The following TECTA variants were observed in gnomAD, a reference collection of about 807,000 sequenced individuals.
The protein encoded by TECTA is tectorin alpha, also known as alpha-tectorin.
In TECTA, 128 loss-of-function variants were observed where a neutral mutation model predicts 216.8. The observed-to-expected ratio is 0.59, with a 90% CI of 0.51 to 0.68. TECTA has a LOEUF of 0.68. Ranked by LOEUF, TECTA falls within the 30% of genes least tolerant of loss-of-function variation. The pLI is 0.00. For synonymous variants in TECTA, 1,089 were observed against 1,117.1 expected, an observed-to-expected ratio of 0.97 and a Z score of 0.50; for missense variants, 2,551 against 2,786.2, an observed-to-expected ratio of 0.92 and a Z score of 1.90.
Position 121,137,417 on chromosome 11 carries a change from GCAGCA to G in TECTA, c.2942-2_2944del. On this transcript the variant is annotated splice_acceptor_variant and splice_polypyrimidine_tract_variant and coding_sequence_variant and intron_variant, in exon 11 of 24. Coordinates refer to ENST00000392793, the MANE Select transcript of TECTA (RefSeq NM_005422.4). LOFTEE classifies it high-confidence loss of function. ...AAACCCGTCTTCTCCTTGACCACCT[GCAGCA>G]CTGGAGTGCCCAGAGAACAGCCACT... 4.3e-6 allele frequency: 7 copies of G among 1,613,816 alleles called. No homozygotes were observed. Among genetic ancestry groups the G allele is most frequent in the Non-Finnish European group, 5.9e-6 (7 of 1,179,990 alleles).
rs757501006 is a variant in TECTA at position 121,105,781 on chromosome 11, C to G, written c.65-50C>G. The G allele has an allele frequency of 1.2e-6, 2 of 1,612,192 alleles. No individual in the cohort carries two copies. The highest frequency in any genetic ancestry group is 1.7e-6 in the Non-Finnish European group (2 of 1,179,350). ...AGTAGGTAGGAGAGATGTAGATTGC[C>G]AAACGGCAGAGGGAGCTGCCATCTA... On this transcript the variant is annotated intron_variant, in intron 2 of 23. Coordinates refer to ENST00000392793, the MANE Select transcript of TECTA (RefSeq NM_005422.4). This position sits in a 1 kb window ranked among gnomAD's most constrained non-coding sequence, Gnocchi z 5.3.
chr11:121,178,542 G>GTC (rs1947193609), intron 20 of TECTA, among the ~76,000 whole-genome samples: 1 of 151,288 alleles, frequency 6.6e-6, no homozygotes, highest in Admixed American at 6.6e-5. Context: ...GTGTGTGTGT[G>GTC]TGTGTGTGTG....
chr11:121,132,262 C>T (rs1254324044), intron 10 of TECTA, among the ~76,000 whole-genome samples: 2 of 152,092 alleles, frequency 1.3e-5, no homozygotes, highest in Non-Finnish European at 2.9e-5. Context: ...CCTACTTAAC[C>T]GATTGTATCT....
At chr11:121,104,504 A>G (rs1412923197) in intron 2 of TECTA, among the ~76,000 whole-genome samples, 1 of 152,184 alleles carries the variant, frequency 6.6e-6, no homozygotes, top group Non-Finnish European at 1.5e-5. Flanking sequence ...GCCCCTGGAA[A>G]GAAATTAGCC....
At chr11:121,137,068 G>A (rs4936580) in intron 10 of TECTA, among the ~76,000 whole-genome samples, 65,273 of 152,062 alleles carry the variant, frequency 0.43, 14,644 homozygotes, top group African/African-American at 0.55. Flanking sequence ...TCACTGTACT[G>A]TGCAAATAAG....
intron 20 of TECTA, among the ~76,000 whole-genome samples, chr11:121,187,126 T>C (rs145194061): frequency 1.1e-4 from 17 of 152,270 alleles, no homozygotes; most frequent in Admixed American, 1.1e-3. Context: ...GAGTGATGCA[T>C]TGGACAAAGA....
intron 4 of TECTA, chr11:121,110,818 C>T (rs1257129878): frequency 6.6e-6 from 1 of 152,170 alleles, no homozygotes; most frequent in Non-Finnish European, 1.5e-5. Flanking sequence ...TACTTTCTGG[C>T]TTATACTTTG....
intron 15 of TECTA, among the ~76,000 whole-genome samples, chr11:121,160,952 G>A (rs1300194464): frequency 1.3e-5 from 2 of 152,202 alleles, no homozygotes; most frequent in Non-Finnish European, 2.9e-5. Context: ...GAGAGAGAGT[G>A]AGCTAAAGAA....
chr11:121,130,672 T>C (rs980629839), intron 10 of TECTA, among the ~76,000 whole-genome samples: 1 of 152,204 alleles, frequency 6.6e-6, no homozygotes, highest in African/African-American at 2.4e-5. Context: ...TGTTGCTGGC[T>C]TTTAATTTTG....
chr11:121,137,619 C>A lies in TECTA; in HGVS notation c.3140C>A (p.Thr1047Asn). Residue 1047 changes from threonine to asparagine, a missense_variant, in exon 11 of 24, where the codon ACC (threonine) becomes AAC (asparagine). Around this residue, in one of 3 missense-constraint regions of TECTA, gnomAD observed 2,375 missense variants for 2,563.9 expected, o/e 0.93. Coordinates refer to ENST00000392793, the MANE Select transcript of TECTA (RefSeq NM_005422.4). ...AACTTTGAGGGGCACCAACTTGCCACCAATGAGACCTTCTGGGTGGACCTG... is the reference window on the plus strand; with the variant it reads ...AACTTTGAGGGGCACCAACTTGCCAACAATGAGACCTTCTGGGTGGACCTG... ...GCNFEGHQLA[T>N]NETFWVDLDC... The A allele has an allele frequency of 6.2e-7, 1 of 1,614,000 alleles. No homozygotes were observed. Among genetic ancestry groups the A allele is most frequent in the Non-Finnish European group, 8.5e-7 (1 of 1,180,002 alleles).
chr11:121,104,483 C>A (rs542922817), intron 2 of TECTA, among the ~76,000 whole-genome samples: 7 of 152,224 alleles, frequency 4.6e-5, no homozygotes, highest in African/African-American at 1.7e-4. Flanking sequence ...TGCTGCTCTC[C>A]TTGGATGTCA....
At chr11:121,136,325 G>T (rs1231064450) in intron 10 of TECTA, among the ~76,000 whole-genome samples, 1 of 152,120 alleles carries the variant, frequency 6.6e-6, no homozygotes, top group Non-Finnish European at 1.5e-5. Context: ...AGACTTGAAG[G>T]ATGGGTGGGA....
At chr11:121,172,373 G>T (rs182570758) in intron 20 of TECTA, among the ~76,000 whole-genome samples, 2,727 of 151,634 alleles carry the variant, frequency 0.018, 94 homozygotes, top group African/African-American at 0.061. Context: ...AGAGTGTGAC[G>T]TTCCCCTTCC....
In TECTA at chr11:121,166,665, G is replaced by C. The variant is rs267607107; in HGVS notation, c.5471G>C (p.Gly1824Ala). Residue 1824 changes from glycine to alanine, a missense_variant, in exon 18 of 24, where the codon GGT becomes GCT. Gly to Ala is a moderately conservative substitution (Grantham distance 60). This residue lies in a region of TECTA where 2,375 missense variants were observed against 2,563.9 expected (regional missense o/e 0.93). Coordinates refer to ENST00000392793, the MANE Select transcript of TECTA (RefSeq NM_005422.4). ...SISKCKLFQL[G>A]FEREGVRIND... is the part of the protein sequence containing the mutation. Reference sequence around the variant, plus strand: ...TCTAAGTGCAAGCTCTTCCAGCTCGGTTTTGAGAGGGAGGGCGTGAGGATC... The same window carrying C: ...TCTAAGTGCAAGCTCTTCCAGCTCGCTTTTGAGAGGGAGGGCGTGAGGATC... 1.2e-6 allele frequency: 2 copies of C among 1,614,210 alleles called. No homozygotes were observed. Among genetic ancestry groups the C allele is most frequent in the Admixed American group, 3.3e-5 (2 of 60,030 alleles).
At chr11:121,139,387 A>G (rs903743597) in intron 11 of TECTA, among the ~76,000 whole-genome samples, 1 of 152,236 alleles carries the variant, frequency 6.6e-6, no homozygotes, top group Non-Finnish European at 1.5e-5. Context: ...TGACACTGGA[A>G]ACACTGGTCA....
Position 121,158,167 on chromosome 11 carries a change from C to G in TECTA, c.4632C>G (p.Pro1544=). 2 of 1,614,102 alleles carry G rather than the reference C, an allele frequency of 1.2e-6. No homozygotes were observed. Among genetic ancestry groups the G allele is most frequent in the Non-Finnish European group, 1.7e-6 (2 of 1,180,036 alleles). The change falls in exon 14 of 24, where the codon CCC becomes CCG. Residue 1544 remains proline (P), a synonymous_variant. Transcript: ENST00000392793. ...WSAPNLTIIS[P]VYFYINEEQI... ...CCCCCAACCTCACCATCATTTCGCC[C>G]GTCTACTTCTACATTAACGAAGAGC...
chr11:121,166,687 G>A lies in TECTA; in HGVS notation c.5493G>A (p.Arg1831=), dbSNP rs2135130192. 1.9e-6 allele frequency: 3 copies of A among 1,614,170 alleles called. No individual in the cohort carries two copies. Among genetic ancestry groups the A allele is most frequent in the South Asian group, 2.2e-5 (2 of 91,080 alleles). ...TCGGTTTTGAGAGGGAGGGCGTGAG[G>A]ATCAATGACAGACAGTGCACCGGCA... ...FQLGFEREGV[R]INDRQCTGIE... is the part of the protein sequence containing the mutation. The change falls in exon 18 of 24, where the codon AGG becomes AGA. Residue 1831 remains arginine, a synonymous_variant. Transcript: ENST00000392793.
chr11:121,157,757 G>C, intron 13 of TECTA, 84 bp from the exon 14 acceptor site: 5 of 1,603,076 alleles, frequency 3.1e-6, no homozygotes, highest in Non-Finnish European at 4.3e-6. Flanking sequence ...AGCCAAGCCT[G>C]ATAAAAGACG....
Position 121,113,275 on chromosome 11 carries a change from G to A in TECTA, c.624+66G>A. ...CTGCACTCTCTGCTTCTGTGGCTCAGCATCCTGGAGGGAATCCTGCCACCA... is the reference window on the plus strand; with the variant it reads ...CTGCACTCTCTGCTTCTGTGGCTCAACATCCTGGAGGGAATCCTGCCACCA... On this transcript the variant is annotated intron_variant, in intron 5 of 23. Transcript: ENST00000392793. The surrounding 1 kb of genome is among the most constrained non-coding windows in gnomAD (Gnocchi z 4.2). 1 of 1,610,478 alleles carries A rather than the reference G, an allele frequency of 6.2e-7. No homozygotes were observed. Among genetic ancestry groups the A allele is most frequent in the Admixed American group, 1.7e-5 (1 of 60,014 alleles).
Sources: gnomAD v4.1 joint callset for allele counts (sites outside exome capture counted in the v4.1 genomes callset) on GRCh38, gnomAD v4.1.1 for gene constraint, gnomAD v4.1.1 regional missense constraint, Gnocchi (gnomAD v3.1) non-coding constraint, MANE v1.5 for transcripts, NCBI Gene and HGNC (gene_info 2026-07-23, HGNC 2026-07-21) for gene names.